CDH18: variants seen among roughly 807,000 people sequenced by gnomAD.
CDH18 encodes the protein cadherin 18.
A neutral mutation model predicts 67.9 loss-of-function variants in CDH18; 31 were observed. That is an observed-to-expected ratio of 0.46 (90% CI 0.34 to 0.62). The LOEUF is 0.62. Among genes scored for constraint, CDH18 ranks in the 20% least tolerant of loss-of-function variants. The probability of loss-of-function intolerance (pLI) is 0.01; values close to 1 mark genes in which losing one functional copy is unlikely to be tolerated. For missense variants in CDH18, 890 were observed against 975.5 expected, an observed-to-expected ratio of 0.91 and a Z score of 1.17; for synonymous variants, 362 against 347.2, an observed-to-expected ratio of 1.04 and a Z score of -0.48.
At chr5:19,643,926 C>T (rs1398189367) in intron 5 of CDH18, among the ~76,000 whole-genome samples, 1 of 152,060 alleles carries the variant, frequency 6.6e-6, no homozygotes, top group African/African-American at 2.4e-5. Flanking sequence ...ATACATACAT[C>T]AAATTATCAA....
chr5:19,737,574 A>G (rs779628206), intron 4 of CDH18, among the ~76,000 whole-genome samples: 10 of 152,108 alleles, frequency 6.6e-5, no homozygotes, highest in Non-Finnish European at 1.5e-4. Flanking sequence ...TTCACTGAAC[A>G]CCTGACTCCT....
At chr5:19,601,630 A>C (rs1747133743) in intron 6 of CDH18, among the ~76,000 whole-genome samples, 1 of 68,146 alleles carries the variant, frequency 1.5e-5, no homozygotes, top group Non-Finnish European at 3.3e-5. Flanking sequence ...GAAACCAAAA[A>C]TAGACAGACA....
chr5:20,207,842 G>A (rs2126353665), intron 2 of CDH18, among the ~76,000 whole-genome samples: 1 of 152,130 alleles, frequency 6.6e-6, no homozygotes, highest in Non-Finnish European at 1.5e-5. Flanking sequence ...TAACTACAAA[G>A]ACCCTGAATA....
intron 5 of CDH18, among the ~76,000 whole-genome samples, chr5:19,671,201 A>C (rs1410950876): frequency 1.3e-5 from 2 of 152,158 alleles, no homozygotes; most frequent in Non-Finnish European, 1.5e-5. Context: ...GCAGTCAATT[A>C]AGGAGAAAAC....
At chr5:20,083,628 C>T (rs1461626976) in intron 2 of CDH18, among the ~76,000 whole-genome samples, 1 of 152,134 alleles carries the variant, frequency 6.6e-6, no homozygotes, top group African/African-American at 2.4e-5. Flanking sequence ...TGTTTTCACA[C>T]TGCTGATAAA....
intron 1 of CDH18, among the ~76,000 whole-genome samples, chr5:20,295,495 G>A (rs747987871): frequency 6.6e-6 from 1 of 151,974 alleles, no homozygotes; most frequent in Non-Finnish European, 1.5e-5. Flanking sequence ...TTGGGAGGCC[G>A]AGGAGGGTGG....
intron 1 of CDH18, among the ~76,000 whole-genome samples, chr5:19,987,433 C>T (rs1799682725): frequency 6.6e-6 from 1 of 151,924 alleles, no homozygotes; most frequent in South Asian, 2.1e-4. Flanking sequence ...ATCACAGGAG[C>T]CTACCTAATT....
intron 3 of CDH18, among the ~76,000 whole-genome samples, chr5:19,753,871 T>C (rs1771177191): frequency 6.6e-6 from 1 of 152,092 alleles, no homozygotes; most frequent in Admixed American, 6.5e-5. Flanking sequence ...TTGTATCCAG[T>C]GAAACTAAGC....
intron 1 of CDH18, among the ~76,000 whole-genome samples, chr5:20,569,805 C>T (rs1758708932): frequency 6.6e-6 from 1 of 152,124 alleles, no homozygotes; most frequent in African/African-American, 2.4e-5. Context: ...AATGAATAAA[C>T]AAACTGTGGC....
intron 2 of CDH18, among the ~76,000 whole-genome samples, chr5:19,941,742 G>A (rs1032541232): frequency 6.6e-6 from 1 of 151,828 alleles, no homozygotes; most frequent in Non-Finnish European, 1.5e-5. Context: ...TGCCGTGATT[G>A]TGTCACTGCA....
intron 2 of CDH18, among the ~76,000 whole-genome samples, chr5:20,164,198 C>T (rs190157648): frequency 1.4e-4 from 21 of 152,272 alleles, no homozygotes; most frequent in East Asian, 3.9e-4. Flanking sequence ...AATAATCCTT[C>T]GCAACATAAG....
At chr5:19,973,914 T>A (rs1191343909) in intron 2 of CDH18, among the ~76,000 whole-genome samples, 1 of 152,056 alleles carries the variant, frequency 6.6e-6, no homozygotes, top group African/African-American at 2.4e-5. Context: ...AGGAACAACA[T>A]CTACTGATTT....
At chr5:20,550,615 C>T (rs1757578610) in intron 1 of CDH18, among the ~76,000 whole-genome samples, 2 of 152,264 alleles carry the variant, frequency 1.3e-5, no homozygotes, top group South Asian at 4.1e-4. Context: ...AATATGTCAT[C>T]ATAAATACTC....
At chr5:19,724,671 A>T (rs1766568291) in intron 4 of CDH18, among the ~76,000 whole-genome samples, 1 of 152,174 alleles carries the variant, frequency 6.6e-6, no homozygotes. Context: ...GATTTGCAAA[A>T]TGTTACCATT....
At chr5:20,534,660 C>T (rs1756607645) in intron 1 of CDH18, among the ~76,000 whole-genome samples, 1 of 151,934 alleles carries the variant, frequency 6.6e-6, no homozygotes, top group Non-Finnish European at 1.5e-5. Flanking sequence ...AACTATGTAG[C>T]TCATATTTTT....
Position 20,463,375 on chromosome 5 carries a change from T to C in CDH18, c.-580+112087A>G, listed in dbSNP as rs567702053. ...ATGTTCAAAGTATGGTGTATTACTCTGTTCTCACACTGCTATGTAGAAATA... is the reference window on the plus strand; with the variant it reads ...ATGTTCAAAGTATGGTGTATTACTCCGTTCTCACACTGCTATGTAGAAATA... On this transcript the variant is annotated intron_variant, in intron 1 of 14. Coordinates refer to the CDH18 transcript ENST00000507958. Among the ~76,000 whole-genome samples the C allele has an allele frequency of 4.6e-5, 7 of 152,234 alleles. No individual in the cohort carries two copies. The East Asian group carries it at 1.4e-3, about 29-fold the overall frequency.
Position 20,513,379 on chromosome 5 carries a change from T to A in CDH18, c.-580+62083A>T, listed in dbSNP as rs182772195. Among the ~76,000 whole-genome samples, 12 of 152,274 alleles carry A rather than the reference T, an allele frequency of 7.9e-5. No homozygotes were observed. The East Asian group carries it at 2.3e-3, about 29-fold the overall frequency. ...TCATTACAAGGAAATTTTTAATTTC[T>A]GTGAAAATGCTGTTCCAGAAATTAA... On this transcript the variant is annotated intron_variant, in intron 1 of 14. Transcript: ENST00000507958.
intron 2 of CDH18, among the ~76,000 whole-genome samples, chr5:20,006,617 T>G (rs972943090): frequency 6.6e-6 from 1 of 151,990 alleles, no homozygotes; most frequent in African/African-American, 2.4e-5. Flanking sequence ...TGTTTCCATA[T>G]ATTCCTAAAT....
At chr5:20,556,294 C>A (rs1222255364) in intron 1 of CDH18, among the ~76,000 whole-genome samples, 2 of 152,118 alleles carry the variant, frequency 1.3e-5, no homozygotes, top group Non-Finnish European at 2.9e-5. Context: ...AAAAGGCCTT[C>A]CATTTACAAA....
Sources: gnomAD v4.1 joint callset for allele counts (sites outside exome capture counted in the v4.1 genomes callset) on GRCh38, gnomAD v4.1.1 for gene constraint, MANE v1.5 for transcripts, NCBI Gene and HGNC (gene_info 2026-07-23, HGNC 2026-07-21) for gene names.